Variants in ATP11B observed in about 807,000 individuals in gnomAD.
ATP11B encodes the protein ATPase phospholipid transporting 11B (putative), also known as phospholipid-transporting ATPase IF.
Under a neutral mutation model 157.8 loss-of-function variants are expected in ATP11B, and 81 were observed. The observed-to-expected ratio is 0.51, with a 90% CI of 0.43 to 0.62. The LOEUF (loss-of-function observed/expected upper bound fraction) is 0.62, where lower values mean the gene tolerates loss of function less well. Among genes scored for constraint, ATP11B ranks in the 20% least tolerant of loss-of-function variants. The pLI, the probability that ATP11B is intolerant of heterozygous loss-of-function variation, is 0.00. For synonymous variants in ATP11B, 451 were observed against 469.4 expected, an observed-to-expected ratio of 0.96 and a Z score of 0.51; for missense variants, 1,165 against 1,402.2, an observed-to-expected ratio of 0.83 and a Z score of 2.70.
intron 8 of ATP11B, chr3:182,843,698 A>G (rs544377119): frequency 2.6e-4 from 40 of 152,278 alleles, no homozygotes; most frequent in African/African-American, 8.9e-4. Context: ...TTTGGAATCA[A>G]TCTTGGAATC....
intron 1 of ATP11B, among the ~76,000 whole-genome samples, chr3:182,808,455 G>A (rs1716461083): frequency 1.3e-5 from 2 of 151,978 alleles, no homozygotes. Context: ...GCATATATTT[G>A]TAGTATTTTT....
intron 25 of ATP11B, among the ~76,000 whole-genome samples, chr3:182,892,372 T>C (rs1338809108): frequency 6.6e-6 from 1 of 152,204 alleles, no homozygotes; most frequent in Non-Finnish European, 1.5e-5. Flanking sequence ...TTCTAAATAT[T>C]GTTATTGCAT....
chr3:182,828,068 A>G (rs1717846348), intron 2 of ATP11B, 52 bp from the exon 3 acceptor site: 3 of 828,900 alleles, frequency 3.6e-6, no homozygotes, highest in Middle Eastern at 3.8e-4. Flanking sequence ...TATTATGTCT[A>G]TATACTTGAT....
At chr3:182,902,560 A>G in intron 28 of ATP11B, 1 of 1,289,338 alleles carries the variant, frequency 7.8e-7, no homozygotes, top group Non-Finnish European at 1.0e-6. Context: ...CAGCTGAGCA[A>G]ACTTAGGTAG....
chr3:182,850,929 GA>G (rs1719929369), intron 10 of ATP11B, among the ~76,000 whole-genome samples: 1 of 152,104 alleles, frequency 6.6e-6, no homozygotes, highest in African/African-American at 2.4e-5. Flanking sequence ...TTGGCCATAA[GA>G]AGAATGAAAT....
chr3:182,859,097 A>G (rs1040148129), intron 11 of ATP11B, 65 bp from the exon 12 acceptor site: 5 of 1,187,554 alleles, frequency 4.2e-6, no homozygotes, highest in Admixed American at 4.8e-5. Flanking sequence ...GGTAATTTTC[A>G]TCAGTAATAC....
chr3:182,866,770 A>AGT (rs907754246), intron 14 of ATP11B, among the ~76,000 whole-genome samples: 6 of 148,756 alleles, frequency 4.0e-5, no homozygotes, highest in Non-Finnish European at 8.9e-5. Context: ...AGTCCTTAAA[A>AGT]GTATATATAT....
chr3:182,903,240 G>A (rs1724093336), intron 28 of ATP11B, among the ~76,000 whole-genome samples: 1 of 152,096 alleles, frequency 6.6e-6, no homozygotes, highest in Non-Finnish European at 1.5e-5. Context: ...AAGGGGAAAA[G>A]TAATATAAGT....
rs935746670 is a variant in ATP11B at position 182,915,599 on chromosome 3, A to G, written c.3452+1605A>G. 1.3e-5 allele frequency: 13 copies of G among 971,360 alleles called. No individual in the cohort carries two copies. The South Asian group carries it at 1.4e-4, about 11-fold the overall frequency. 60.2% of individuals were successfully genotyped at this position (971,360 alleles called of 1,614,324 possible). A position where few individuals can be genotyped will look rare whatever the true frequency, so the allele number is the denominator to read the frequency against. On this transcript the variant is annotated intron_variant, in intron 29 of 29. Coordinates refer to ENST00000323116, the MANE Select transcript of ATP11B (RefSeq NM_014616.3). ...ATGGAAATTTCTCTTTAATGACAAT[A>G]TACGTTTTTGTTAATGATTTTTTTA... is the stretch of plus-strand genomic sequence containing the variant.
intron 28 of ATP11B, among the ~76,000 whole-genome samples, chr3:182,901,266 G>A (rs1723941151): frequency 6.6e-6 from 1 of 151,014 alleles, no homozygotes; most frequent in Non-Finnish European, 1.5e-5. Flanking sequence ...AGGAGACTAA[G>A]GCATGAGAAT....
chr3:182,804,932 T>G (rs182966534), intron 1 of ATP11B, among the ~76,000 whole-genome samples: 13 of 151,726 alleles, frequency 8.6e-5, no homozygotes, highest in Admixed American at 2.0e-4. Context: ...TTCAAGGTTC[T>G]TCTATGTTGT....
rs774259152 is a variant in ATP11B, at chr3:182,879,564, G to C, written c.2321G>C (p.Arg774Thr). 1.2e-6 allele frequency: 2 copies of C among 1,614,102 alleles called. No homozygotes were observed. Among genetic ancestry groups the C allele is most frequent in the Admixed American group, 3.3e-5 (2 of 60,028 alleles). Residue 774 changes from arginine (R) to threonine (T), a missense_variant, in exon 20 of 30, where the codon AGG becomes ACG. By Grantham distance (71) the Arg-to-Thr change is moderately conservative. Coordinates refer to ENST00000323116, the MANE Select transcript of ATP11B (RefSeq NM_014616.3). ...GGGACCAGCCTATCTCTTGCACTCA[G>C]GGAGCATGAAAAACTATTTATGGAA... The part of the protein sequence containing the change: ...VDGTSLSLAL[R>T]EHEKLFMEVC...
intron 9 of ATP11B, among the ~76,000 whole-genome samples, chr3:182,848,122 A>G (rs1199467489): frequency 4.6e-5 from 7 of 152,150 alleles, no homozygotes; most frequent in Admixed American, 1.3e-4. Context: ...GTGCTTTTCC[A>G]TATCTGTCTT....
At chr3:182,848,342 A>C (rs1016480191) in intron 9 of ATP11B, 134 bp from the exon 10 acceptor site, 1 of 436,412 alleles carries the variant, frequency 2.3e-6, no homozygotes, top group Non-Finnish European at 3.8e-6. Flanking sequence ...GTACTCTGAA[A>C]ATACTTAAAG....
At chr3:182,864,149 A>G (rs993713187) in intron 12 of ATP11B, among the ~76,000 whole-genome samples, 1 of 151,526 alleles carries the variant, frequency 6.6e-6, no homozygotes, top group African/African-American at 2.4e-5. Context: ...TATATATTCT[A>G]TTTTTTTTAG....
At chr3:182,901,074 T>A (rs1723925679) in intron 28 of ATP11B, among the ~76,000 whole-genome samples, 2 of 151,942 alleles carry the variant, frequency 1.3e-5, no homozygotes, top group African/African-American at 4.8e-5. Context: ...TCCCAGCTAC[T>A]TGGGAGGAGA....
chr3:182,914,506 A>C (rs1380025213), intron 29 of ATP11B: 1 of 984,916 alleles, frequency 1.0e-6, no homozygotes, highest in African/African-American at 1.8e-5. Context: ...CTGCTCCCCT[A>C]CCTCTTCTTA....
chr3:182,907,088 G>A (rs1398755961), intron 28 of ATP11B, among the ~76,000 whole-genome samples: 8 of 129,528 alleles, frequency 6.2e-5, no homozygotes, highest in African/African-American at 1.7e-4. Flanking sequence ...GTGAGACTCC[G>A]TCTCAAAAAA....
At chr3:182,803,990 T>A (rs889427333) in intron 1 of ATP11B, among the ~76,000 whole-genome samples, 1 of 152,188 alleles carries the variant, frequency 6.6e-6, no homozygotes, top group Non-Finnish European at 1.5e-5. Context: ...CACCTTCTTT[T>A]TTTTTCTTTT....
Sources: allele counts gnomAD v4.1 joint callset (sites outside exome capture counted in the v4.1 genomes callset), GRCh38; gene constraint gnomAD v4.1.1; transcripts MANE v1.5; gene names NCBI Gene and HGNC (gene_info 2026-07-23, HGNC 2026-07-21).